Variants in SAMD5 observed in about 807,000 individuals in gnomAD.
SAMD5 encodes sterile alpha motif domain containing 5, also known as sterile alpha motif domain-containing protein 5.
A neutral mutation model predicts 11.3 loss-of-function variants in SAMD5; 13 were observed. The ratio of observed to expected loss-of-function variants is 1.15; its 90% CI spans 0.75 to 1.83. The LOEUF (loss-of-function observed/expected upper bound fraction) is 1.83, where lower values mean the gene tolerates loss of function less well. SAMD5 is among the 40% of genes most tolerant of loss of function. The pLI is 0.00. For synonymous variants in SAMD5, 129 were observed against 111.3 expected, an observed-to-expected ratio of 1.16 and a Z score of -1.00; for missense variants, 255 against 239.1, an observed-to-expected ratio of 1.07 and a Z score of -0.44.
chr6:147,800,843 G>A, the SAMD5 span, among the ~76,000 whole-genome samples: 27 of 152,136 alleles, frequency 1.8e-4, no homozygotes, highest in African/African-American at 6.5e-4. Context: ...GTGCATTTGT[G>A]TAACAAATAC....
chr6:147,778,423 G>A, the SAMD5 span, among the ~76,000 whole-genome samples: 1 of 152,044 alleles, frequency 6.6e-6, no homozygotes, highest in Non-Finnish European at 1.5e-5. Context: ...ACCTTAAAAT[G>A]TCCAAAACCG....
the SAMD5 span, among the ~76,000 whole-genome samples, chr6:147,949,094 T>C: frequency 2.5e-4 from 38 of 152,188 alleles, no homozygotes; most frequent in Non-Finnish European, 3.8e-4. Flanking sequence ...AAGACATTAT[T>C]TGAACAGCCT....
At chr6:147,519,351 T>C (rs1457108989) in intron 1 of SAMD5, among the ~76,000 whole-genome samples, 1 of 152,204 alleles carries the variant, frequency 6.6e-6, no homozygotes, top group Non-Finnish European at 1.5e-5. Context: ...ATTATTATTG[T>C]CCTCATTCCT....
intron 1 of SAMD5, among the ~76,000 whole-genome samples, chr6:147,617,093 G>A (rs1789883998): frequency 6.6e-6 from 1 of 152,116 alleles, no homozygotes; most frequent in Admixed American, 6.5e-5. Flanking sequence ...TTCTCTTCTT[G>A]TGGATCTCTC....
At chr6:147,907,762 C>G in the SAMD5 span, among the ~76,000 whole-genome samples, 5 of 152,108 alleles carry the variant, frequency 3.3e-5, no homozygotes, top group Non-Finnish European at 2.9e-5. Flanking sequence ...TGCAGATATT[C>G]CCAAGACAGC....
intron 1 of SAMD5, among the ~76,000 whole-genome samples, chr6:147,519,173 A>T (rs544129905): frequency 6.6e-6 from 1 of 152,362 alleles, no homozygotes; most frequent in South Asian, 2.1e-4. Flanking sequence ...GTTGTAATGC[A>T]CAGATTTGAC....
At chr6:147,767,974 G>A in the SAMD5 span, among the ~76,000 whole-genome samples, 2 of 152,194 alleles carry the variant, frequency 1.3e-5, no homozygotes, top group Non-Finnish European at 2.9e-5. Flanking sequence ...AGGAAGGTGG[G>A]CATAGTGGAC....
intron 1 of SAMD5, among the ~76,000 whole-genome samples, chr6:147,686,240 C>T (rs556394462): frequency 4.6e-4 from 70 of 152,230 alleles, no homozygotes; most frequent in African/African-American, 1.6e-3. Flanking sequence ...GACTCTGTGA[C>T]GTGTTTCTTC....
In SAMD5 at chr6:147,716,520, G is replaced by A. The variant is rs139892912; in HGVS notation, c.163-20797G>A. On this transcript the variant is annotated intron_variant, in intron 1 of 1. Transcript: ENST00000566741. The stretch of plus-strand genomic sequence containing the variant: ...CTGTTCCTGGCCCCCAAGAGCACAG[G>A]GATGCCCAGGTCTGCAGACACGGCT... Among the ~76,000 whole-genome samples, 18 of 152,336 alleles carry A rather than the reference G, an allele frequency of 1.2e-4. 1 individual carries two copies. In the East Asian group the frequency reaches 2.7e-3, roughly 23 times the overall value.
the SAMD5 span, among the ~76,000 whole-genome samples, chr6:147,933,517 A>G: frequency 3.9e-4 from 59 of 151,982 alleles, no homozygotes; most frequent in Non-Finnish European, 4.7e-4. Flanking sequence ...GTGGAATTCT[A>G]CTCTTTCTTT....
the SAMD5 span, among the ~76,000 whole-genome samples, chr6:147,817,281 C>T: frequency 6.6e-6 from 1 of 152,328 alleles, no homozygotes; most frequent in African/African-American, 2.4e-5. Context: ...GTGAATGGCC[C>T]AGCTGTGCAT....
intron 1 of SAMD5, among the ~76,000 whole-genome samples, chr6:147,727,122 C>A (rs1226324281): frequency 6.6e-6 from 1 of 152,164 alleles, no homozygotes; most frequent in Non-Finnish European, 1.5e-5. Context: ...CTGTCCCCTG[C>A]CTACCAATTA....
At chr6:147,698,784 G>T (rs950611009) in intron 1 of SAMD5, among the ~76,000 whole-genome samples, 2 of 152,200 alleles carry the variant, frequency 1.3e-5, no homozygotes, top group African/African-American at 4.8e-5. Flanking sequence ...AGACTGTTGA[G>T]AATTGTGATA....
chr6:147,927,080 T>C, the SAMD5 span, among the ~76,000 whole-genome samples: 1 of 152,220 alleles, frequency 6.6e-6, no homozygotes, highest in East Asian at 1.9e-4. Flanking sequence ...TGTAGTATAG[T>C]TGGAAGTTGG....
intron 1 of SAMD5, among the ~76,000 whole-genome samples, chr6:147,561,980 G>GC (rs879406751): frequency 6.6e-6 from 1 of 152,132 alleles, no homozygotes; most frequent in East Asian, 1.9e-4. Context: ...CTGTTCATCT[G>GC]CCCCCCACCT....
chr6:147,675,515 T>C (rs1790850255), intron 1 of SAMD5, among the ~76,000 whole-genome samples: 1 of 152,246 alleles, frequency 6.6e-6, no homozygotes, highest in Non-Finnish European at 1.5e-5. Flanking sequence ...TCATTAGGGA[T>C]GAATGTTTCT....
chr6:147,647,694 C>T (rs1031159293), intron 1 of SAMD5, among the ~76,000 whole-genome samples: 1 of 152,154 alleles, frequency 6.6e-6, no homozygotes, highest in African/African-American at 2.4e-5. Flanking sequence ...TTGCTAAAAG[C>T]AGCCTTCATT....
Position 147,671,160 on chromosome 6 carries a change from T to G in SAMD5, c.163-66157T>G, listed in dbSNP as rs138551172. Among the ~76,000 whole-genome samples the G allele has an allele frequency of 8.5e-5, 13 of 152,302 alleles. No homozygotes were observed. The East Asian group carries it at 2.5e-3, about 29-fold the overall frequency. Reference sequence around the variant, plus strand: ...TGGAGCAGTCAGAACACATATTTATTGATTGAATTCACCATCATGTGGGAG... The same window carrying G: ...TGGAGCAGTCAGAACACATATTTATGGATTGAATTCACCATCATGTGGGAG... On this transcript the variant is annotated intron_variant, in intron 1 of 1. Coordinates refer to the SAMD5 transcript ENST00000566741.
downstream of SAMD5, among the ~76,000 whole-genome samples, chr6:147,740,254 A>G (rs57142885): frequency 0.061 from 9,254 of 152,270 alleles, 837 homozygotes; most frequent in African/African-American, 0.2. Context: ...TAAGCTACCC[A>G]GAGATACGCA....
Sources: allele counts gnomAD v4.1 joint callset (sites outside exome capture counted in the v4.1 genomes callset), GRCh38; gene constraint gnomAD v4.1.1; transcripts MANE v1.5; gene names NCBI Gene and HGNC (gene_info 2026-07-23, HGNC 2026-07-21).